SH3PXD2A: variants seen among roughly 807,000 people sequenced by gnomAD.
SH3PXD2A encodes SH3 and PX domain-containing protein 2A.
SH3PXD2A carries 32 observed loss-of-function variants against 115.2 expected under a neutral mutation model. The observed-to-expected ratio is 0.28, with a 90% confidence interval of 0.21 to 0.37. The LOEUF (loss-of-function observed/expected upper bound fraction) is 0.37, where lower values mean the gene tolerates loss of function less well. SH3PXD2A is among the 10% of genes least tolerant of loss of function. The probability of loss-of-function intolerance (pLI) is 1.00; values close to 1 mark genes in which losing one functional copy is unlikely to be tolerated. For missense variants in SH3PXD2A, 1,328 were observed against 1,498.7 expected, an observed-to-expected ratio of 0.89 and a Z score of 1.88; for synonymous variants, 610 against 629.1, an observed-to-expected ratio of 0.97 and a Z score of 0.45.
intron 6 of SH3PXD2A, among the ~76,000 whole-genome samples, chr10:103,683,030 G>A (rs1006000962): frequency 6.6e-6 from 1 of 152,030 alleles, no homozygotes; most frequent in African/African-American, 2.4e-5. Context: ...CGCTCCTGCC[G>A]GGATGATGGG....
chr10:103,652,356 G>A (rs1187744029), intron 8 of SH3PXD2A, among the ~76,000 whole-genome samples: 1 of 152,210 alleles, frequency 6.6e-6, no homozygotes. Flanking sequence ...GGCCATCTGG[G>A]TGAACTGGGT....
At chr10:103,796,936 A>C (rs916461923) in intron 2 of SH3PXD2A, among the ~76,000 whole-genome samples, 1 of 144,076 alleles carries the variant, frequency 6.9e-6, no homozygotes, top group Non-Finnish European at 1.5e-5. Flanking sequence ...ATCACAGCTC[A>C]CTGCAGCCTG....
chr10:103,790,846 TGTC>T (rs2039028373), intron 2 of SH3PXD2A, among the ~76,000 whole-genome samples: 1 of 152,240 alleles, frequency 6.6e-6, no homozygotes, highest in African/African-American at 2.4e-5. Flanking sequence ...GCCAGATACT[TGTC>T]ATCCTGCTAG....
intron 6 of SH3PXD2A, among the ~76,000 whole-genome samples, chr10:103,685,578 C>G (rs954734901): frequency 1.3e-5 from 2 of 152,160 alleles, no homozygotes; most frequent in Admixed American, 6.5e-5. Context: ...AGACGAACCC[C>G]TCCGGTGCTG....
chr10:103,702,596 C>CGTGT (rs6144056), intron 5 of SH3PXD2A, among the ~76,000 whole-genome samples: 85 of 147,562 alleles, frequency 5.8e-4, no homozygotes, highest in South Asian at 1.6e-3. Context: ...TGTGTGTGTG[C>CGTGT]GTGTGTGTGT....
intron 3 of SH3PXD2A, among the ~76,000 whole-genome samples, chr10:103,759,935 A>G (rs1326196847): frequency 6.6e-6 from 1 of 152,244 alleles, no homozygotes; most frequent in Non-Finnish European, 1.5e-5. Flanking sequence ...TTCTGAGCCA[A>G]TTCTCCCTGG....
At chr10:103,607,388 C>T (rs1207459523) in intron 13 of SH3PXD2A, among the ~76,000 whole-genome samples, 4 of 151,964 alleles carry the variant, frequency 2.6e-5, no homozygotes, top group South Asian at 2.1e-4. Flanking sequence ...GCAGCCACCC[C>T]GTCCGGGAGG....
At position 103,666,530 on chromosome 10, in the gene SH3PXD2A, G is replaced by C. The variant is rs1026070327; in HGVS notation, c.472+2078C>G. Among the ~76,000 whole-genome samples, 3 of 152,218 alleles carry C rather than the reference G, an allele frequency of 2.0e-5. No individual in the cohort carries two copies. The highest frequency in any genetic ancestry group is 6.5e-5 in the Admixed American group (1 of 15,278). On this transcript the variant is annotated intron_variant, in intron 7 of 14. Transcript: ENST00000369774. This position sits in a 1 kb window ranked among gnomAD's most constrained non-coding sequence, Gnocchi z 4.5. The stretch of plus-strand genomic sequence containing the variant: ...CTCCAGGACTGGTGCCTCAGGACAT[G>C]ACATGGGACATAGTAATTACCTGAA...
intron 3 of SH3PXD2A, among the ~76,000 whole-genome samples, chr10:103,761,287 T>A (rs979119889): frequency 5.3e-5 from 8 of 152,180 alleles, no homozygotes; most frequent in Admixed American, 2.6e-4. Flanking sequence ...ATTTGACCTC[T>A]CCTTAAAATG....
rs775296319 is a variant in SH3PXD2A, at chr10:103,601,767, G to A, written c.*49C>T. On this transcript the variant is annotated 3_prime_UTR_variant, in exon 15 of 15. Transcript: ENST00000369774. ...TTTTGTTCGTCTCACCGCTCATCCA[G>A]TGGGCGGCCAGAGAGGCACACTGAG... is the stretch of plus-strand genomic sequence containing the variant. 8.4e-7 allele frequency: 1 copy of A among 1,184,210 alleles called. No homozygotes were observed. Among genetic ancestry groups the A allele is most frequent in the South Asian group, 2.3e-5 (1 of 43,010 alleles). The allele number at this position is 1,184,210 out of a possible 1,614,324, so 73.4% of individuals were successfully genotyped here.
At chr10:103,688,496 A>G (rs1419464013) in intron 6 of SH3PXD2A, among the ~76,000 whole-genome samples, 1 of 152,242 alleles carries the variant, frequency 6.6e-6, no homozygotes, top group Non-Finnish European at 1.5e-5. Context: ...GGGAGGCTGG[A>G]CAGTGCAGGA....
At chr10:103,736,334 C>G (rs567090172) in intron 3 of SH3PXD2A, among the ~76,000 whole-genome samples, 300 of 152,338 alleles carry the variant, frequency 2.0e-3, no homozygotes, top group African/African-American at 6.8e-3. Context: ...CTTCCCTGGC[C>G]TCGCTGCACA....
At chr10:103,644,586 A>C (rs2037008298) in intron 8 of SH3PXD2A, among the ~76,000 whole-genome samples, 5 of 21,184 alleles carry the variant, frequency 2.4e-4, no homozygotes, top group Admixed American at 2.3e-3. Flanking sequence ...ACCAAGTCTC[A>C]AAAAAAAAAA....
chr10:103,676,488 C>T (rs984006630), intron 6 of SH3PXD2A, among the ~76,000 whole-genome samples: 5 of 152,152 alleles, frequency 3.3e-5, no homozygotes, highest in African/African-American at 7.2e-5. Flanking sequence ...TGGGTGTGGA[C>T]GGAGAAGCCA....
intron 1 of SH3PXD2A, among the ~76,000 whole-genome samples, chr10:103,828,905 G>A (rs1033961903): frequency 3.3e-5 from 5 of 152,200 alleles, no homozygotes; most frequent in Non-Finnish European, 7.3e-5. Flanking sequence ...GAAAGGTGGT[G>A]TTGCGATTTC....
At position 103,784,639 on chromosome 10, in the gene SH3PXD2A, G is replaced by A. The variant is rs1170736271; in HGVS notation, c.153+16643C>T. The stretch of plus-strand genomic sequence containing the variant: ...GCACAGAGAAGCACTGGCAGCGGCT[G>A]GCTGGAGGGCAGGACAGTCCCAGTA... On this transcript the variant is annotated intron_variant, in intron 2 of 14. Transcript: ENST00000369774. This position sits in a 1 kb window ranked among gnomAD's most constrained non-coding sequence, Gnocchi z 4.4. 6.6e-6 allele frequency among the ~76,000 whole-genome samples: 1 copy of A among 152,152 alleles called. No individual in the cohort carries two copies. The highest frequency in any genetic ancestry group is 1.5e-5 in the Non-Finnish European group (1 of 68,030).
Position 103,620,508 on chromosome 10 carries a change from G to A in SH3PXD2A, c.802+1962C>T, listed in dbSNP as rs1290116077. 6.6e-6 allele frequency among the ~76,000 whole-genome samples: 1 copy of A among 152,188 alleles called. No homozygotes were observed. The highest frequency in any genetic ancestry group is 2.4e-5 in the African/African-American group (1 of 41,442). Reference sequence around the variant, plus strand: ...CCTTTTGGTTCCAAGGGCCTGGCTGGCTGAGGGAACGGGGAGCGGAGGCCG... The same window carrying A: ...CCTTTTGGTTCCAAGGGCCTGGCTGACTGAGGGAACGGGGAGCGGAGGCCG... On this transcript the variant is annotated intron_variant, in intron 10 of 14. Transcript: ENST00000369774. The surrounding 1 kb of genome is among the most constrained non-coding windows in gnomAD (Gnocchi z 5.3).
intron 1 of SH3PXD2A, among the ~76,000 whole-genome samples, chr10:103,833,720 C>T (rs887585578): frequency 3.3e-5 from 5 of 152,296 alleles, no homozygotes; most frequent in Middle Eastern, 3.4e-3. Context: ...TGGTTTTGCA[C>T]TGGATCTCCT....
chr10:103,830,133 G>A (rs752764221), intron 1 of SH3PXD2A, among the ~76,000 whole-genome samples: 7 of 152,156 alleles, frequency 4.6e-5, no homozygotes, highest in African/African-American at 1.2e-4. Context: ...GGTTTATTTC[G>A]GATTAAGTAA....
Sources: gnomAD v4.1 joint callset for allele counts (sites outside exome capture counted in the v4.1 genomes callset) on GRCh38, gnomAD v4.1.1 for gene constraint, Gnocchi (gnomAD v3.1) non-coding constraint, MANE v1.5 for transcripts, NCBI Gene and HGNC (gene_info 2026-07-23, HGNC 2026-07-21) for gene names.